PPFIA2: variants seen among roughly 807,000 people sequenced by gnomAD.
PPFIA2 encodes the protein liprin-alpha-2.
In PPFIA2, 46 loss-of-function variants were observed where a neutral mutation model predicts 175.5. The observed-to-expected ratio is 0.26, with a 90% CI of 0.21 to 0.34. The LOEUF (loss-of-function observed/expected upper bound fraction) is 0.34, where lower values mean the gene tolerates loss of function less well. PPFIA2 is among the 10% of genes least tolerant of loss of function. PPFIA2 has a pLI of 1.00. For missense variants in PPFIA2, 1,179 were observed against 1,506.1 expected (o/e 0.78, Z 3.60); for synonymous variants, 568 against 511.4 (o/e 1.11, Z -1.49).
At chr12:81,491,009 G>C (rs1018675354) in intron 4 of PPFIA2, among the ~76,000 whole-genome samples, 2 of 151,858 alleles carry the variant, frequency 1.3e-5, no homozygotes, top group African/African-American at 4.8e-5. Context: ...GCTTTCACCT[G>C]TTCCTTTATA....
chr12:81,513,997 G>GT (rs1345854443), intron 4 of PPFIA2, among the ~76,000 whole-genome samples: 1 of 151,836 alleles, frequency 6.6e-6, no homozygotes, highest in African/African-American at 2.4e-5. Flanking sequence ...TCAAGTATTT[G>GT]TTTTTTATCT....
chr12:81,523,668 C>T (rs1288234422), intron 4 of PPFIA2, among the ~76,000 whole-genome samples: 2 of 152,120 alleles, frequency 1.3e-5, no homozygotes, highest in Admixed American at 6.5e-5. Flanking sequence ...TATCTGTACA[C>T]TGTGCTGCCA....
rs1456209809 is a variant in PPFIA2 at position 81,272,005 on chromosome 12, A to G, written c.3311-3918T>C. On this transcript the variant is annotated intron_variant, in intron 28 of 32. Transcript: ENST00000549396. ...CTTTACTATTGATGGACATACTTCA[A>G]AGTAAGTTAGTTTGATTCAGCATTT... Among the ~76,000 whole-genome samples, 4 of 152,196 alleles carry G rather than the reference A, an allele frequency of 2.6e-5. No individual in the cohort carries two copies. The East Asian group carries it at 5.8e-4, about 22-fold the overall frequency.
chr12:81,656,041 T>C (rs568711307), intron 4 of PPFIA2, among the ~76,000 whole-genome samples: 118 of 152,164 alleles, frequency 7.8e-4, no homozygotes, highest in Admixed American at 1.5e-3. Flanking sequence ...TGAAAGACCA[T>C]GGTTATTGAC....
At position 81,668,382 on chromosome 12, in the gene PPFIA2, C is replaced by T. The variant is rs139120136; in HGVS notation, c.303+8409G>A. Among the ~76,000 whole-genome samples, 39 of 152,160 alleles carry T rather than the reference C, an allele frequency of 2.6e-4. 3 individuals are homozygous for T. Among genetic ancestry groups the T allele is most frequent in the African/African-American group, 9.4e-4 (39 of 41,538 alleles). On this transcript the variant is annotated intron_variant, in intron 4 of 32. Transcript: ENST00000549396. ...TAGGTTAGCTTAACCAGACTTCTACCTCCCAAATTTACTGGAGAAGAAACA... is the reference window on the plus strand; with the variant it reads ...TAGGTTAGCTTAACCAGACTTCTACTTCCCAAATTTACTGGAGAAGAAACA...
intron 7 of PPFIA2, among the ~76,000 whole-genome samples, chr12:81,438,852 T>C (rs941308843): frequency 3.9e-5 from 6 of 152,146 alleles, no homozygotes; most frequent in Non-Finnish European, 5.9e-5. Flanking sequence ...TTGAAATGTA[T>C]ATTAGATTAA....
At chr12:81,456,057 C>G (rs1412014880) in intron 5 of PPFIA2, among the ~76,000 whole-genome samples, 1 of 152,138 alleles carries the variant, frequency 6.6e-6, no homozygotes, top group East Asian at 1.9e-4. Flanking sequence ...CTTTGTATTT[C>G]CCTGCATTCT....
chr12:81,604,845 G>A (rs2153459831), intron 4 of PPFIA2, among the ~76,000 whole-genome samples: 1 of 151,736 alleles, frequency 6.6e-6, no homozygotes, highest in East Asian at 1.9e-4. Context: ...TTACAGAAAG[G>A]AATTGAAAAT....
chr12:81,738,853 GA>G (rs1260125828), intron 3 of PPFIA2, among the ~76,000 whole-genome samples: 1 of 151,642 alleles, frequency 6.6e-6, no homozygotes, highest in African/African-American at 2.4e-5. Context: ...ACATATATAA[GA>G]ACACAGACAC....
chr12:81,759,163 G>A (rs948292222), intron 1 of PPFIA2, 117 bp downstream of exon 1: 2 of 14,676 alleles, frequency 1.4e-4, no homozygotes, highest in Non-Finnish European at 2.7e-4. Flanking sequence ...GCCGTCCCCC[G>A]GCCCCCCTTC....
At chr12:81,374,844 C>T in intron 10 of PPFIA2, 76 bp from the exon 11 acceptor site, 2 of 1,356,742 alleles carry the variant, frequency 1.5e-6, no homozygotes, top group Non-Finnish European at 2.0e-6. Flanking sequence ...AGGGGCTTTG[C>T]ACTTCAGCCA....
chr12:81,681,675 A>C (rs2073657747), intron 3 of PPFIA2, among the ~76,000 whole-genome samples: 1 of 151,834 alleles, frequency 6.6e-6, no homozygotes, highest in Admixed American at 6.6e-5. Context: ...TAAGCCATCA[A>C]GTTCAGATAC....
intron 3 of PPFIA2, among the ~76,000 whole-genome samples, chr12:81,725,350 T>A (rs1596872693): frequency 6.6e-6 from 1 of 150,942 alleles, no homozygotes; most frequent in Non-Finnish European, 1.5e-5. Context: ...GAGACCACAG[T>A]TTCTGATCAC....
chr12:81,317,219 A>T (rs1307492207), intron 22 of PPFIA2, among the ~76,000 whole-genome samples: 2 of 151,622 alleles, frequency 1.3e-5, no homozygotes, highest in African/African-American at 4.8e-5. Flanking sequence ...AATAGATATT[A>T]GGTATATCAA....
At position 81,283,208 on chromosome 12, in the gene PPFIA2, C is replaced by T. The variant is rs1395798038; in HGVS notation, c.2989-169G>A. On this transcript the variant is annotated intron_variant, in intron 25 of 32. Coordinates refer to ENST00000549396, the MANE Select transcript of PPFIA2 (RefSeq NM_003625.5). ...ACCCACAGTGATCAATTTTGCAGTT[C>T]AAAGGCAATTAGGCAGCAACTACAT... Among the ~76,000 whole-genome samples the T allele has an allele frequency of 2.6e-5, 4 of 152,092 alleles. No individual in the cohort carries two copies. In the East Asian group the frequency reaches 7.7e-4, roughly 29 times the overall value.
At chr12:81,705,619 C>T (rs2077042788) in intron 3 of PPFIA2, among the ~76,000 whole-genome samples, 1 of 152,042 alleles carries the variant, frequency 6.6e-6, no homozygotes, top group African/African-American at 2.4e-5. Flanking sequence ...AGCACAATAT[C>T]TCAGTGAATT....
chr12:81,739,629 C>T (rs1338127185), intron 3 of PPFIA2, among the ~76,000 whole-genome samples: 1 of 151,918 alleles, frequency 6.6e-6, no homozygotes, highest in Non-Finnish European at 1.5e-5. Context: ...CATATCAATG[C>T]ATCTTATAAA....
chr12:81,301,592 C>G (rs2047857182), intron 22 of PPFIA2, among the ~76,000 whole-genome samples: 2 of 152,166 alleles, frequency 1.3e-5, no homozygotes. Flanking sequence ...CAATCACTTC[C>G]TGTCTCACTG....
At chr12:81,589,837 C>T (rs1354842799) in intron 4 of PPFIA2, among the ~76,000 whole-genome samples, 1 of 151,880 alleles carries the variant, frequency 6.6e-6, no homozygotes, top group Non-Finnish European at 1.5e-5. Flanking sequence ...TGAATTGTTC[C>T]CTCTGTTCTC....
Sources: gnomAD v4.1 joint callset for allele counts (sites outside exome capture counted in the v4.1 genomes callset) on GRCh38, gnomAD v4.1.1 for gene constraint, MANE v1.5 for transcripts, NCBI Gene and HGNC (gene_info 2026-07-23, HGNC 2026-07-21) for gene names.